The following KLRD1 variants were observed in gnomAD, a reference collection of about 807,000 sequenced individuals.
The protein encoded by KLRD1 is natural killer cells antigen CD94.
KLRD1 carries 21 observed loss-of-function variants against 22.6 expected under a neutral mutation model. The ratio of observed to expected loss-of-function variants is 0.93; its 90% CI spans 0.66 to 1.34. The LOEUF (loss-of-function observed/expected upper bound fraction) is 1.34, where lower values mean the gene tolerates loss of function less well. Among genes scored for constraint, KLRD1 ranks in the 40% most tolerant of loss-of-function variants. The pLI is 0.00. For synonymous variants in KLRD1, 59 were observed against 71.1 expected (o/e 0.83, Z 0.85); for missense variants, 183 against 208.6 (o/e 0.88, Z 0.76).
intron 1 of KLRD1, among the ~76,000 whole-genome samples, chr12:10,245,033 C>T (rs1318573133): frequency 1.3e-5 from 2 of 152,050 alleles, no homozygotes; most frequent in Admixed American, 6.6e-5. Context: ...GTACATTTTA[C>T]ATATAAGGAC....
At chr12:10,283,469 A>G (rs1171850242) in intron 1 of KLRD1, among the ~76,000 whole-genome samples, 1 of 152,200 alleles carries the variant, frequency 6.6e-6, no homozygotes, top group Admixed American at 6.5e-5. Flanking sequence ...ACTTAACAAT[A>G]TTGTATTGTA....
At chr12:10,292,137 T>C (rs1446636304) in intron 1 of KLRD1, among the ~76,000 whole-genome samples, 1 of 152,352 alleles carries the variant, frequency 6.6e-6, no homozygotes, top group East Asian at 1.9e-4. Context: ...GTTCCCTTGC[T>C]ATTTCTACTA....
At chr12:10,243,847 G>A (rs917652880) in intron 1 of KLRD1, among the ~76,000 whole-genome samples, 2 of 152,042 alleles carry the variant, frequency 1.3e-5, no homozygotes, top group Non-Finnish European at 2.9e-5. Context: ...ATCAAATATA[G>A]TTTGATTTAA....
chr12:10,319,290 C>A lies in KLRD1; in HGVS notation c.*4497C>A, dbSNP rs1269260072. 6.6e-6 allele frequency: 1 copy of A among 152,160 alleles called. No homozygotes were observed. Among genetic ancestry groups the A allele is most frequent in the Non-Finnish European group, 1.5e-5 (1 of 68,020 alleles). The allele number at this position is 152,160 out of a possible 1,614,324, so 9.4% of individuals were successfully genotyped here. ...TTCTTACCAGTTGTAAATGTACTTA[C>A]AAATTTTGCTATATGAAAACAGTTA... On this transcript the variant is annotated 3_prime_UTR_variant, in exon 6 of 6. Coordinates refer to ENST00000336164, the MANE Select transcript of KLRD1 (RefSeq NM_002262.5).
intron 1 of KLRD1, among the ~76,000 whole-genome samples, chr12:10,244,353 TCA>T (rs1007050432): frequency 1.3e-5 from 2 of 152,124 alleles, no homozygotes; most frequent in Non-Finnish European, 2.9e-5. Context: ...GCTCAAGGAC[TCA>T]CAAACTACCA....
chr12:10,293,208 T>G (rs1488298527), intron 1 of KLRD1, among the ~76,000 whole-genome samples: 3 of 48,324 alleles, frequency 6.2e-5, no homozygotes, highest in African/African-American at 2.4e-4. Flanking sequence ...GGCATAGCAA[T>G]TTTGATTTTC....
At chr12:10,280,820 C>T (rs1949633906) in intron 1 of KLRD1, among the ~76,000 whole-genome samples, 1 of 152,036 alleles carries the variant, frequency 6.6e-6, no homozygotes, top group Admixed American at 6.6e-5. Flanking sequence ...AGAATCCTGC[C>T]CCCAGAAGCC....
At position 10,319,185 on chromosome 12, in the gene KLRD1, T is replaced by A. The variant is rs1019457612; in HGVS notation, c.*4392T>A. ...CAGATTTGGTCCACAGGCCATAGTT[T>A]GCCAACATGTGCCCAAGTATGTAAG... On this transcript the variant is annotated 3_prime_UTR_variant, in exon 6 of 6. Transcript: ENST00000336164. 1 of 152,202 alleles carries A rather than the reference T, an allele frequency of 6.6e-6. No homozygotes were observed. Among genetic ancestry groups the A allele is most frequent in the Non-Finnish European group, 1.5e-5 (1 of 68,038 alleles). 9.4% of individuals were successfully genotyped at this position (152,202 alleles called of 1,614,324 possible).
At chr12:10,286,668 T>G (rs1949707738) in intron 1 of KLRD1, among the ~76,000 whole-genome samples, 1 of 136,680 alleles carries the variant, frequency 7.3e-6, no homozygotes, top group South Asian at 2.4e-4. Flanking sequence ...GGTGCTTTTT[T>G]TTTTTTTTTT....
In KLRD1 at chr12:10,315,214, G is replaced by A; in HGVS notation, c.*421G>A. 1 of 410,626 alleles carries A rather than the reference G, an allele frequency of 2.4e-6. No homozygotes were observed. Among genetic ancestry groups the A allele is most frequent in the Non-Finnish European group, 4.8e-6 (1 of 207,126 alleles). 25.4% of individuals were successfully genotyped at this position (410,626 alleles called of 1,614,324 possible). ...GTGGCAAGATCATAGCTCATTGCAA[G>A]CTCAAGTGATCCTCCTGACTCAGCC... On this transcript the variant is annotated 3_prime_UTR_variant, in exon 6 of 6. Coordinates refer to ENST00000336164, the MANE Select transcript of KLRD1 (RefSeq NM_002262.5).
intron 3 of KLRD1, among the ~76,000 whole-genome samples, chr12:10,310,175 G>A (rs1422573936): frequency 6.6e-6 from 1 of 152,158 alleles, no homozygotes; most frequent in Non-Finnish European, 1.5e-5. Context: ...GCAGTGGCAC[G>A]ATCTTGGCTC....
At chr12:10,291,615 CTTT>C (rs60356564) in intron 1 of KLRD1, among the ~76,000 whole-genome samples, 906 of 144,756 alleles carry the variant, frequency 6.3e-3, no homozygotes, top group African/African-American at 8.2e-3. Context: ...TCAGCCACAT[CTTT>C]TTTTTTTTTT....
intron 1 of KLRD1, among the ~76,000 whole-genome samples, chr12:10,247,502 G>A (rs1334852210): frequency 1.3e-5 from 2 of 152,010 alleles, no homozygotes; most frequent in South Asian, 2.1e-4. Context: ...GCTTGATGCA[G>A]TGTTTTGTGT....
At chr12:10,312,843 C>G (rs1043906045) in intron 4 of KLRD1, among the ~76,000 whole-genome samples, 2 of 151,042 alleles carry the variant, frequency 1.3e-5, no homozygotes, top group Non-Finnish European at 3.0e-5. Context: ...AAAAATTAGC[C>G]GGGCGTGGTG....
intron 3 of KLRD1, 80 bp downstream of exon 3, chr12:10,309,768 G>A (rs1950015238): frequency 3.1e-6 from 3 of 953,114 alleles, no homozygotes; most frequent in Admixed American, 1.9e-5. Context: ...AGAGAGGCAT[G>A]ATGGAATATT....
intron 1 of KLRD1, among the ~76,000 whole-genome samples, chr12:10,275,796 C>A (rs1949587156): frequency 6.6e-6 from 1 of 152,010 alleles, no homozygotes; most frequent in African/African-American, 2.4e-5. Flanking sequence ...TAATATTTTT[C>A]CCTCTGAAAT....
intron 1 of KLRD1, among the ~76,000 whole-genome samples, chr12:10,265,474 C>T (rs555770513): frequency 1.7e-4 from 26 of 152,214 alleles, no homozygotes; most frequent in Non-Finnish European, 3.2e-4. Context: ...TTAGGCCATA[C>T]GGTGGGGCGC....
intron 5 of KLRD1, among the ~76,000 whole-genome samples, chr12:10,314,245 A>G (rs1402715522): frequency 6.6e-6 from 1 of 152,146 alleles, no homozygotes; most frequent in Non-Finnish European, 1.5e-5. Flanking sequence ...CTTATGTTTT[A>G]TATACTATAG....
rs903917046 is a variant in KLRD1, at chr12:10,298,892, A to G, written c.-100-9086A>G. 4.6e-5 allele frequency among the ~76,000 whole-genome samples: 7 copies of G among 152,336 alleles called. No homozygotes were observed. In the South Asian group the frequency reaches 1.2e-3, roughly 27 times the overall value. ...TCAGCTCTGAAGGCTGTGAGACCCCAGATTTCCCACTCCACAGGCCATATT... is the reference window on the plus strand; with the variant it reads ...TCAGCTCTGAAGGCTGTGAGACCCCGGATTTCCCACTCCACAGGCCATATT... On this transcript the variant is annotated intron_variant, in intron 1 of 5. Coordinates refer to the KLRD1 transcript ENST00000544747.
Sources: gnomAD v4.1 joint callset for allele counts (sites outside exome capture counted in the v4.1 genomes callset) on GRCh38, gnomAD v4.1.1 for gene constraint, MANE v1.5 for transcripts, NCBI Gene and HGNC (gene_info 2026-07-23, HGNC 2026-07-21) for gene names.